Variants in GNPDA1 observed in about 807,000 individuals in gnomAD.
GNPDA1 encodes glucosamine-6-phosphate deaminase 1, also known as GNPDA 1.
GNPDA1 carries 24 observed loss-of-function variants against 28.5 expected under a neutral mutation model. That is an observed-to-expected ratio of 0.84 (90% CI 0.61 to 1.19). GNPDA1 has a LOEUF of 1.19. GNPDA1 is among the 50% of genes most tolerant of loss of function. The pLI, the probability that GNPDA1 is intolerant of heterozygous loss-of-function variation, is 0.00. For synonymous variants in GNPDA1, 147 were observed against 139.3 expected (o/e 1.06, Z -0.39); for missense variants, 264 against 367.3 (o/e 0.72, Z 2.30).
At chr5:142,004,639 C>T (rs1295844064) in intron 5 of GNPDA1, among the ~76,000 whole-genome samples, 2 of 152,192 alleles carry the variant, frequency 1.3e-5, no homozygotes, top group Non-Finnish European at 2.9e-5. Context: ...GCGATGCTGG[C>T]CTCCTCTCTG....
At chr5:142,010,514 T>TC (rs58045980) in intron 2 of GNPDA1, among the ~76,000 whole-genome samples, 20,152 of 145,794 alleles carry the variant, frequency 0.14, 1,626 homozygotes, top group Non-Finnish European at 0.18. Context: ...TTTCTTTCTT[T>TC]TTTTTTTTTT....
rs1561573682 is a variant in GNPDA1, at chr5:142,010,516, T to TTCCC, written c.124+1395_124+1396insGGGA. On this transcript the variant is annotated intron_variant, in intron 2 of 6. Coordinates refer to ENST00000311337, the MANE Select transcript of GNPDA1 (RefSeq NM_005471.5). ...AGAATGGTTTTCTTTTCTTTCTTTT[T>TTCCC]TTTTTTTTTTTTGAGACAGAATCTT... is the stretch of plus-strand genomic sequence containing the variant. Among the ~76,000 whole-genome samples the TTCCC allele has an allele frequency of 2.0e-5, 3 of 150,568 alleles. No homozygotes were observed. In the East Asian group the frequency reaches 5.8e-4, roughly 29 times the overall value.
intron 1 of GNPDA1, 39 bp downstream of exon 1, chr5:142,012,956 C>A (rs1018435896): frequency 6.6e-6 from 1 of 151,766 alleles, no homozygotes; most frequent in Non-Finnish European, 1.5e-5. Flanking sequence ...GCGCTCCGGC[C>A]CGCGAGGAAG....
chr5:142,006,245 T>C lies in GNPDA1; in HGVS notation c.308A>G (p.Asn103Ser). ...FFKHIDIHPE[N>S]THILDGNAVD... is the part of the protein sequence containing the mutation. ...TGCATTCCCATCCAGAATGTGGGTG[T>C]TTTCTGGGTGGATGTCAATGTGCTT... Residue 103 changes from asparagine to serine, a missense_variant, in exon 4 of 7, where the codon AAC (asparagine) becomes AGC (serine). Transcript: ENST00000311337. The C allele has an allele frequency of 6.2e-7, 1 of 1,613,724 alleles. No individual in the cohort carries two copies. The highest frequency in any genetic ancestry group is 1.1e-5 in the South Asian group (1 of 91,078).
chr5:142,009,059 A>AGTGTGTGT (rs10628648), intron 2 of GNPDA1, among the ~76,000 whole-genome samples: 29 of 151,864 alleles, frequency 1.9e-4, no homozygotes, highest in South Asian at 4.1e-4. Context: ...AGAAAAAAAA[A>AGTGTGTGT]GTGTGTGTGT....
rs1435579135 is a variant in GNPDA1 at position 142,006,262 on chromosome 5, A to C, written c.291T>G (p.Ile97Met). The C allele has an allele frequency of 6.2e-7, 1 of 1,613,896 alleles. No homozygotes were observed. Among genetic ancestry groups the C allele is most frequent in the Admixed American group, 1.7e-5 (1 of 60,002 alleles). Residue 97 changes from isoleucine (I) to methionine (M), a missense_variant, in exon 4 of 7, where the codon ATT becomes ATG. Physicochemically the swap from Ile to Met is conservative, Grantham distance 10. Coordinates refer to ENST00000311337, the MANE Select transcript of GNPDA1 (RefSeq NM_005471.5). ...SFMWNNFFKH[I>M]DIHPENTHIL... ...TGTGGGTGTTTTCTGGGTGGATGTC[A>C]ATGTGCTTGAAGAAGTTGTTCCACA...
At chr5:142,004,518 G>A (rs1463117679) in intron 5 of GNPDA1, among the ~76,000 whole-genome samples, 4 of 152,284 alleles carry the variant, frequency 2.6e-5, no homozygotes, top group South Asian at 2.1e-4. Flanking sequence ...CTCTGAGCAC[G>A]GGGCTAGAAG....
intron 1 of GNPDA1, chr5:142,012,794 G>A (rs928415080): frequency 4.2e-6 from 2 of 473,416 alleles, no homozygotes; most frequent in African/African-American, 4.2e-5. Context: ...GAAGGAAAGA[G>A]GCGAAGGTGG....
intron 2 of GNPDA1, among the ~76,000 whole-genome samples, chr5:142,009,377 C>A (rs1755888570): frequency 1.3e-5 from 2 of 152,270 alleles, no homozygotes; most frequent in African/African-American, 4.8e-5. Flanking sequence ...CACAGCCCCA[C>A]CCCTGCCGAC....
intron 2 of GNPDA1, among the ~76,000 whole-genome samples, chr5:142,011,307 C>G (rs1399077115): frequency 6.7e-6 from 1 of 149,302 alleles, no homozygotes; most frequent in African/African-American, 2.5e-5. Flanking sequence ...CATAGACACG[C>G]TAATGGATGG....
At chr5:142,008,574 C>A (rs449560) in intron 2 of GNPDA1, among the ~76,000 whole-genome samples, 152,310 of 152,312 alleles carry the variant, frequency 1, 76,154 homozygotes, top group Middle Eastern at 1. Context: ...TAAAAATACA[C>A]AAAGTAGCTG....
chr5:142,011,281 AACAC>A (rs3045628), intron 2 of GNPDA1, among the ~76,000 whole-genome samples: 10 of 149,908 alleles, frequency 6.7e-5, no homozygotes, highest in African/African-American at 7.4e-5. Context: ...AGACCCCTCC[AACAC>A]ACACACACAC....
At chr5:142,005,437 G>A (rs918648382) in intron 4 of GNPDA1, 1 of 210,390 alleles carries the variant, frequency 4.8e-6, no homozygotes, top group East Asian at 1.0e-4. Flanking sequence ...TCCCCAGATT[G>A]TCAGAAAAGT....
At chr5:142,007,065 C>T (rs1009362235) in intron 3 of GNPDA1, among the ~76,000 whole-genome samples, 16 of 151,934 alleles carry the variant, frequency 1.1e-4, no homozygotes, top group African/African-American at 3.1e-4. Flanking sequence ...TGGTGGTTTC[C>T]GTGGCTGGTG....
At chr5:142,007,728 G>A in intron 3 of GNPDA1, 71 bp downstream of exon 3, 4 of 892,278 alleles carry the variant, frequency 4.5e-6, no homozygotes, top group Non-Finnish European at 7.5e-6. Context: ...TCCTCTCCAG[G>A]ACTGGGCCAA....
rs1755978710 is a variant in GNPDA1 at position 142,012,243 on chromosome 5, C to T, written c.-6-202G>A. 8.9e-6 allele frequency: 4 copies of T among 447,296 alleles called. No individual in the cohort carries two copies. The South Asian group carries it at 1.2e-4, about 13-fold the overall frequency. 27.7% of individuals were successfully genotyped at this position (447,296 alleles called of 1,614,324 possible). On this transcript the variant is annotated intron_variant, in intron 1 of 6. Transcript: ENST00000311337. ...ACCACCCACAGACCACGAGGAGGCG[C>T]CACTGGGGGCAGATCTGGGTTCTAA...
At position 142,006,211 on chromosome 5, in the gene GNPDA1, T is replaced by A; in HGVS notation, c.342A>T (p.Leu114=). 1 of 1,614,110 alleles carries A rather than the reference T, an allele frequency of 6.2e-7. No homozygotes were observed. Among genetic ancestry groups the A allele is most frequent in the Non-Finnish European group, 8.5e-7 (1 of 1,179,938 alleles). ...CTTCAAAGGCATCACATTCTGCCTG[T>A]AGGTCGACTGCATTCCCATCCAGAA... The part of the protein sequence containing the change: ...THILDGNAVD[L]QAECDAFEEK... The change falls in exon 4 of 7, where the codon CTA becomes CTT. Residue 114 remains leucine, a synonymous_variant. Coordinates refer to ENST00000311337, the MANE Select transcript of GNPDA1 (RefSeq NM_005471.5).
chr5:142,011,096 G>A (rs252094), intron 2 of GNPDA1, among the ~76,000 whole-genome samples: 80,179 of 151,904 alleles, frequency 0.53, 23,185 homozygotes, highest in East Asian at 0.96. Flanking sequence ...ACAGGTGAGC[G>A]CCACCATGCC....
At position 142,011,743 on chromosome 5, in the gene GNPDA1, T is replaced by C. The variant is rs1755961183; in HGVS notation, c.124+169A>G. ...GACAGGCAGCGACTAAACCAACCCA[T>C]AAGGGAAGCTGGGTCCTTTGTATGT... On this transcript the variant is annotated intron_variant, in intron 2 of 6. Coordinates refer to ENST00000311337, the MANE Select transcript of GNPDA1 (RefSeq NM_005471.5). 4 of 633,186 alleles carry C rather than the reference T, an allele frequency of 6.3e-6. No homozygotes were observed. In the South Asian group the frequency reaches 8.3e-5, roughly 13 times the overall value. 39.2% of individuals were successfully genotyped at this position (633,186 alleles called of 1,614,324 possible).
Sources: allele counts gnomAD v4.1 joint callset (sites outside exome capture counted in the v4.1 genomes callset), GRCh38; gene constraint gnomAD v4.1.1; transcripts MANE v1.5; gene names NCBI Gene and HGNC (gene_info 2026-07-23, HGNC 2026-07-21).